The following GRAMD1B variants were observed in gnomAD, a reference collection of about 807,000 sequenced individuals.
The protein encoded by GRAMD1B is GRAM domain containing 1B.
Under a neutral mutation model 99.7 loss-of-function variants are expected in GRAMD1B, and 37 were observed. That is an observed-to-expected ratio of 0.37 (90% CI 0.29 to 0.49). The LOEUF (loss-of-function observed/expected upper bound fraction) is 0.49, where lower values mean the gene tolerates loss of function less well. Among genes scored for constraint, GRAMD1B ranks in the 20% least tolerant of loss-of-function variants. The pLI, the probability that GRAMD1B is intolerant of heterozygous loss-of-function variation, is 0.98. For synonymous variants in GRAMD1B, 427 were observed against 387.6 expected (o/e 1.10, Z -1.19); for missense variants, 888 against 1,009.2 (o/e 0.88, Z 1.63).
At chr11:123,502,178 T>C (rs1305585113) in intron 2 of GRAMD1B, among the ~76,000 whole-genome samples, 1 of 152,180 alleles carries the variant, frequency 6.6e-6, no homozygotes, top group Admixed American at 6.5e-5. Context: ...ATCCTGTTTT[T>C]CTCTTGGCTT....
chr11:123,478,194 T>C (rs1381645340), intron 1 of GRAMD1B, among the ~76,000 whole-genome samples: 1 of 152,008 alleles, frequency 6.6e-6, no homozygotes, highest in African/African-American at 2.4e-5. Context: ...TTTTTTTTTA[T>C]AGAGATGGGG....
At chr11:123,371,842 C>T (rs755346990) in intron 1 of GRAMD1B, among the ~76,000 whole-genome samples, 1 of 152,212 alleles carries the variant, frequency 6.6e-6, no homozygotes, top group African/African-American at 2.4e-5. Flanking sequence ...ACCCCAGGCT[C>T]AGCCTCAAGC....
chr11:123,399,591 ACCAAC>A (rs1320415530), intron 1 of GRAMD1B, among the ~76,000 whole-genome samples: 1 of 149,740 alleles, frequency 6.7e-6, no homozygotes, highest in Admixed American at 6.8e-5. Flanking sequence ...TCCTTACCAT[ACCAAC>A]ACTTACCTTT....
chr11:123,398,240 A>G (rs1947536302), intron 1 of GRAMD1B, among the ~76,000 whole-genome samples: 1 of 152,256 alleles, frequency 6.6e-6, no homozygotes, highest in Non-Finnish European at 1.5e-5. Flanking sequence ...TTTAAAAACT[A>G]TATTTCTTAC....
At chr11:123,598,522 T>C in intron 7 of GRAMD1B, 1 of 1,463,768 alleles carries the variant, frequency 6.8e-7, no homozygotes, top group African/African-American at 1.4e-5. Context: ...GTGTCTTACT[T>C]GGTGCCCTTT....
chr11:123,498,671 T>C (rs1053287675), intron 2 of GRAMD1B, among the ~76,000 whole-genome samples: 1 of 152,204 alleles, frequency 6.6e-6, no homozygotes, highest in Admixed American at 6.5e-5. Flanking sequence ...TAAGTGTTCA[T>C]GTCTCCTTGA....
intron 2 of GRAMD1B, among the ~76,000 whole-genome samples, chr11:123,488,453 G>C (rs552390423): frequency 1.2e-4 from 18 of 152,338 alleles, no homozygotes; most frequent in African/African-American, 4.3e-4. Context: ...TTAACTGGCT[G>C]CCTGGCCCTG....
intron 2 of GRAMD1B, among the ~76,000 whole-genome samples, chr11:123,555,412 G>A (rs970278618): frequency 3.3e-5 from 5 of 152,090 alleles, no homozygotes; most frequent in African/African-American, 7.2e-5. Context: ...GCAATGGTGC[G>A]ATCTTGGCTC....
intron 2 of GRAMD1B, among the ~76,000 whole-genome samples, chr11:123,517,795 C>T (rs1357890999): frequency 1.3e-5 from 2 of 152,212 alleles, no homozygotes; most frequent in Non-Finnish European, 2.9e-5. Context: ...ACGCTCAATT[C>T]ATCTGTATTT....
intron 1 of GRAMD1B, among the ~76,000 whole-genome samples, chr11:123,444,073 T>A (rs1332297830): frequency 6.6e-6 from 1 of 152,184 alleles, no homozygotes; most frequent in Non-Finnish European, 1.5e-5. Flanking sequence ...TTCAGACCTT[T>A]AAAAGGTGCT....
At chr11:123,609,672 G>T in intron 12 of GRAMD1B, 123 bp from the exon 13 acceptor site, 5 of 609,188 alleles carry the variant, frequency 8.2e-6, no homozygotes, top group Non-Finnish European at 8.8e-6. Context: ...GGCTCCCATT[G>T]GCTTCCTTTT....
chr11:123,481,651 C>G (rs1275463906), intron 2 of GRAMD1B, among the ~76,000 whole-genome samples: 1 of 152,102 alleles, frequency 6.6e-6, no homozygotes, highest in Non-Finnish European at 1.5e-5. Context: ...GTCTAGGATG[C>G]AATGAAAATA....
At chr11:123,399,738 T>A (rs1947593546) in intron 1 of GRAMD1B, among the ~76,000 whole-genome samples, 1 of 152,080 alleles carries the variant, frequency 6.6e-6, no homozygotes, top group Admixed American at 6.6e-5. Context: ...GCCTCTTGAG[T>A]AGCTGGAATT....
At chr11:123,384,652 A>T (rs1946997232) in intron 1 of GRAMD1B, among the ~76,000 whole-genome samples, 1 of 152,228 alleles carries the variant, frequency 6.6e-6, no homozygotes, top group African/African-American at 2.4e-5. Context: ...AGTGCTTGAT[A>T]TAAAGTGTTA....
At chr11:123,443,846 G>A (rs970886858) in intron 1 of GRAMD1B, among the ~76,000 whole-genome samples, 1 of 152,218 alleles carries the variant, frequency 6.6e-6, no homozygotes, top group Non-Finnish European at 1.5e-5. Flanking sequence ...CTCCCAAAGT[G>A]CTGGGATTAC....
intron 1 of GRAMD1B, among the ~76,000 whole-genome samples, chr11:123,455,416 C>T (rs372342188): frequency 3.2e-4 from 48 of 152,270 alleles, no homozygotes; most frequent in African/African-American, 1.0e-3. Context: ...CATGAGCCAC[C>T]GCGCCTGGCC....
intron 1 of GRAMD1B, among the ~76,000 whole-genome samples, chr11:123,409,181 G>A (rs1281925304): frequency 6.6e-6 from 1 of 152,140 alleles, no homozygotes; most frequent in East Asian, 1.9e-4. Context: ...CAGTGCTTTT[G>A]ATAATTATGG....
chr11:123,585,346 C>T (rs1949961029), intron 4 of GRAMD1B, among the ~76,000 whole-genome samples: 1 of 152,186 alleles, frequency 6.6e-6, no homozygotes, highest in Non-Finnish European at 1.5e-5. Context: ...TGTTTTCCTA[C>T]TTGGCGCTGG....
At chr11:123,416,465 T>A (rs751574273) in intron 1 of GRAMD1B, among the ~76,000 whole-genome samples, 1 of 152,240 alleles carries the variant, frequency 6.6e-6, no homozygotes, top group Non-Finnish European at 1.5e-5. Context: ...ATACCAATTG[T>A]TACCATTTTC....
Sources: allele counts gnomAD v4.1 joint callset (sites outside exome capture counted in the v4.1 genomes callset), GRCh38; gene constraint gnomAD v4.1.1; transcripts MANE v1.5; gene names NCBI Gene and HGNC (gene_info 2026-07-23, HGNC 2026-07-21).